The following GAREM1 variants were observed in gnomAD, a reference collection of about 807,000 sequenced individuals.
GAREM1 encodes the protein GRB2 associated regulator of MAPK1 subtype 1.
GAREM1 carries 26 observed loss-of-function variants against 71.3 expected under a neutral mutation model. That is an observed-to-expected ratio of 0.36 (90% CI 0.27 to 0.51). The LOEUF (loss-of-function observed/expected upper bound fraction) is 0.51, where lower values mean the gene tolerates loss of function less well. Ranked by LOEUF, GAREM1 falls within the 20% of genes least tolerant of loss-of-function variation. The pLI, the probability that GAREM1 is intolerant of heterozygous loss-of-function variation, is 0.95. For missense variants in GAREM1, 1,026 were observed against 1,103.1 expected (o/e 0.93, Z 0.99); for synonymous variants, 440 against 433.2 (o/e 1.02, Z -0.20).
At chr18:32,347,791 G>A (rs1251348443) in intron 2 of GAREM1, among the ~76,000 whole-genome samples, 1 of 152,132 alleles carries the variant, frequency 6.6e-6, no homozygotes, top group Non-Finnish European at 1.5e-5. Flanking sequence ...AGAGACAATG[G>A]TAATATCAAA....
At chr18:32,370,780 G>A (rs1159550989) in intron 2 of GAREM1, among the ~76,000 whole-genome samples, 1 of 151,790 alleles carries the variant, frequency 6.6e-6, no homozygotes, top group Non-Finnish European at 1.5e-5. Flanking sequence ...CAGCCTATTG[G>A]CGATCAGTAA....
intron 1 of GAREM1, among the ~76,000 whole-genome samples, chr18:32,462,238 A>G (rs2048959508): frequency 6.6e-6 from 1 of 152,224 alleles, no homozygotes; most frequent in East Asian, 1.9e-4. Flanking sequence ...ACACTCTTAC[A>G]TTCCCACCAA....
intron 2 of GAREM1, among the ~76,000 whole-genome samples, chr18:32,375,591 C>T (rs976978545): frequency 6.6e-6 from 1 of 152,086 alleles, no homozygotes; most frequent in Non-Finnish European, 1.5e-5. Context: ...TTAGGTCTCA[C>T]ACAGATACAG....
In GAREM1 at chr18:32,266,000, G is replaced by A. The variant is rs749858344; in HGVS notation, c.*1871C>T. The A allele has an allele frequency of 2.0e-5, 3 of 152,188 alleles. No homozygotes were observed. Among genetic ancestry groups the A allele is most frequent in the Non-Finnish European group, 2.9e-5 (2 of 68,030 alleles). The allele number at this position is 152,188 out of a possible 1,614,324, so 9.4% of individuals were successfully genotyped here. A position where few individuals can be genotyped will look rare whatever the true frequency, so the allele number is the denominator to read the frequency against. On this transcript the variant is annotated 3_prime_UTR_variant, in exon 6 of 6. Coordinates refer to ENST00000269209, the MANE Select transcript of GAREM1 (RefSeq NM_001242409.2). ...ATAGGTCTCATGTCCTGTGAGTGCA[G>A]TACCAGCACTTCCTCATTGAGTTAT...
chr18:32,445,458 T>A (rs139107232), intron 1 of GAREM1, among the ~76,000 whole-genome samples: 1 of 152,128 alleles, frequency 6.6e-6, no homozygotes, highest in East Asian at 1.9e-4. Flanking sequence ...GCTCTTCCAA[T>A]AGGGGTATAT....
At chr18:32,368,809 T>C (rs558910855) in intron 2 of GAREM1, among the ~76,000 whole-genome samples, 7 of 152,340 alleles carry the variant, frequency 4.6e-5, no homozygotes, top group Non-Finnish European at 1.0e-4. Flanking sequence ...CTCTGTGTTT[T>C]GATCAGAAAT....
intron 2 of GAREM1, among the ~76,000 whole-genome samples, chr18:32,379,024 C>T (rs1599003913): frequency 6.6e-6 from 1 of 152,184 alleles, no homozygotes; most frequent in South Asian, 2.1e-4. Flanking sequence ...GAGTGCTTAG[C>T]TCTCCAACTG....
intron 1 of GAREM1, among the ~76,000 whole-genome samples, chr18:32,457,226 A>AGAGTGTGTGT (rs1555648709): frequency 1.7e-4 from 14 of 81,986 alleles, no homozygotes; most frequent in African/African-American, 5.8e-4. Flanking sequence ...AGAGAGAGAG[A>AGAGTGTGTGT]GTGTGTGTGT....
chr18:32,356,616 A>T (rs1271906957), intron 2 of GAREM1, among the ~76,000 whole-genome samples: 1 of 152,226 alleles, frequency 6.6e-6, no homozygotes, highest in Non-Finnish European at 1.5e-5. Flanking sequence ...GATGTCAGAT[A>T]CTGTACAAGT....
chr18:32,445,476 C>A (rs567663137), intron 1 of GAREM1, among the ~76,000 whole-genome samples: 4 of 152,052 alleles, frequency 2.6e-5, no homozygotes, highest in East Asian at 1.9e-4. Context: ...TATACTCCCC[C>A]CTAGAACCCC....
intron 3 of GAREM1, among the ~76,000 whole-genome samples, chr18:32,293,472 CA>C (rs1299983968): frequency 6.6e-5 from 10 of 151,926 alleles, no homozygotes; most frequent in African/African-American, 2.4e-4. Flanking sequence ...AAAACAGGAA[CA>C]CCTAAGTCCA....
chr18:32,284,573 A>G (rs536306084), intron 4 of GAREM1, among the ~76,000 whole-genome samples: 2 of 152,300 alleles, frequency 1.3e-5, no homozygotes, highest in African/African-American at 4.8e-5. Flanking sequence ...CTGTAAGTCA[A>G]TCAGCAAACA....
At chr18:32,461,510 C>T in intron 1 of GAREM1, among the ~76,000 whole-genome samples, 1 of 151,868 alleles carries the variant, frequency 6.6e-6, no homozygotes, top group East Asian at 1.9e-4. Context: ...AGTCTGGGCA[C>T]ACAGCAAAAC....
At position 32,268,110 on chromosome 18, in the gene GAREM1, C is replaced by T. The variant is rs1223919224; in HGVS notation, c.2392G>A (p.Asp798Asn). Residue 798 changes from aspartate to asparagine, a missense_variant, in exon 6 of 6, where the codon GAC (aspartate) becomes AAC (asparagine). By Grantham distance (23) the Asp-to-Asn change is conservative (BLOSUM62 1). Around this residue, in one of 3 missense-constraint regions of GAREM1, gnomAD observed 636 missense variants for 631.2 expected, o/e 1.01. Transcript: ENST00000269209. ...GCAGGTGGCTGCCATGGGGAACCGT[C>T]GCCACAGGATCTGGGGGCCAGCTGG... Reference protein sequence around the residue: ...HLQLAPRSCGDGSPWQPPADL... With the variant: ...HLQLAPRSCGNGSPWQPPADL... 15 of 1,614,078 alleles carry T rather than the reference C, an allele frequency of 9.3e-6. No homozygotes were observed. Among genetic ancestry groups the T allele is most frequent in the Non-Finnish European group, 1.3e-5 (15 of 1,180,024 alleles).
chr18:32,369,491 G>C (rs1730121150), intron 2 of GAREM1, among the ~76,000 whole-genome samples: 1 of 152,074 alleles, frequency 6.6e-6, no homozygotes, highest in African/African-American at 2.4e-5. Context: ...ATGGGTGGAG[G>C]GAGGGATTTA....
Position 32,374,906 on chromosome 18 carries a change from T to C in GAREM1, c.262+17989A>G, listed in dbSNP as rs185694232. 8.5e-5 allele frequency among the ~76,000 whole-genome samples: 13 copies of C among 152,262 alleles called. No individual in the cohort carries two copies. The East Asian group carries it at 1.9e-3, about 23-fold the overall frequency. On this transcript the variant is annotated intron_variant, in intron 2 of 5. Coordinates refer to ENST00000269209, the MANE Select transcript of GAREM1 (RefSeq NM_001242409.2). Reference sequence around the variant, plus strand: ...TACTGAAGTGCAGACATGGTTCCAATAGAGTGCCATCAAATTTAGAAGAAA... The same window carrying C: ...TACTGAAGTGCAGACATGGTTCCAACAGAGTGCCATCAAATTTAGAAGAAA...
At chr18:32,381,312 T>G (rs1372479635) in intron 2 of GAREM1, among the ~76,000 whole-genome samples, 1 of 152,152 alleles carries the variant, frequency 6.6e-6, no homozygotes, top group Non-Finnish European at 1.5e-5. Flanking sequence ...TTTTTGTTGT[T>G]GTTGTTTTCT....
chr18:32,391,657 G>A (rs2048200397), intron 2 of GAREM1, among the ~76,000 whole-genome samples: 1 of 152,130 alleles, frequency 6.6e-6, no homozygotes, highest in Non-Finnish European at 1.5e-5. Flanking sequence ...GGGTAGGGTA[G>A]GGGGTTTGTT....
chr18:32,348,918 C>T (rs761721064), intron 2 of GAREM1, among the ~76,000 whole-genome samples: 11 of 152,078 alleles, frequency 7.2e-5, no homozygotes, highest in Non-Finnish European at 1.5e-4. Flanking sequence ...ATAAACACAT[C>T]CATATTTGTT....
Sources: allele counts gnomAD v4.1 joint callset (sites outside exome capture counted in the v4.1 genomes callset), GRCh38; gene constraint gnomAD v4.1.1; regional missense constraint gnomAD v4.1.1; transcripts MANE v1.5; gene names NCBI Gene and HGNC (gene_info 2026-07-23, HGNC 2026-07-21).